The following CFAP77 variants were observed in gnomAD, a reference collection of about 807,000 sequenced individuals.
CFAP77 encodes cilia and flagella associated protein 77.
Under a neutral mutation model 31.1 loss-of-function variants are expected in CFAP77, and 25 were observed. That is an observed-to-expected ratio of 0.80 (90% CI 0.59 to 1.12). The LOEUF is 1.12. Among genes scored for constraint, CFAP77 ranks in the 50% most tolerant of loss-of-function variants. The pLI is 0.00. For missense variants in CFAP77, 377 were observed against 397.3 expected (o/e 0.95, Z 0.44); for synonymous variants, 151 against 159.9 (o/e 0.94, Z 0.42).
intron 1 of CFAP77, among the ~76,000 whole-genome samples, chr9:132,458,342 C>CGGG (rs1554738844): frequency 4.2e-5 from 3 of 71,160 alleles, no homozygotes; most frequent in Non-Finnish European, 8.7e-5. Context: ...GTCTCCCTGG[C>CGGG]GGGGGAGGGG....
chr9:132,486,322 G>T (rs1309908173), intron 1 of CFAP77, among the ~76,000 whole-genome samples: 1 of 151,226 alleles, frequency 6.6e-6, no homozygotes, highest in South Asian at 2.1e-4. Context: ...TCGATCTCCA[G>T]ACCTCGTGAT....
At chr9:132,505,018 A>C (rs1271932525) in intron 3 of CFAP77, among the ~76,000 whole-genome samples, 1 of 152,374 alleles carries the variant, frequency 6.6e-6, no homozygotes, top group African/African-American at 2.4e-5. Flanking sequence ...CCAATAAATA[A>C]ATAAACAAAA....
At chr9:132,437,670 C>T (rs1363046890) in intron 1 of CFAP77, among the ~76,000 whole-genome samples, 4 of 151,480 alleles carry the variant, frequency 2.6e-5, no homozygotes, top group Non-Finnish European at 5.9e-5. Flanking sequence ...CCAGCACACC[C>T]GGCTAATATT....
intron 1 of CFAP77, among the ~76,000 whole-genome samples, chr9:132,411,804 G>A (rs965156452): frequency 6.6e-6 from 1 of 152,076 alleles, no homozygotes; most frequent in African/African-American, 2.4e-5. Context: ...AAGTGAGGGC[G>A]TATGGAGTTA....
rs1037728953 is a variant in CFAP77 at position 132,457,588 on chromosome 9, G to A, written c.196-41107G>A. ...AGGGAGAAATACATCGCCGCTAACA[G>A]CCCCGGCAGGGAGAAAAACTCTCGC... On this transcript the variant is annotated intron_variant, in intron 1 of 5. Coordinates refer to ENST00000393216, the MANE Select transcript of CFAP77 (RefSeq NM_001282957.2). 3.3e-5 allele frequency among the ~76,000 whole-genome samples: 5 copies of A among 152,332 alleles called. No individual in the cohort carries two copies. In the East Asian group the frequency reaches 9.6e-4, roughly 29 times the overall value.
At position 132,495,320 on chromosome 9, in the gene CFAP77, T is replaced by G. The variant is rs929898432; in HGVS notation, c.196-3375T>G. 1.3e-5 allele frequency among the ~76,000 whole-genome samples: 2 copies of G among 152,088 alleles called. No homozygotes were observed. The highest frequency in any genetic ancestry group is 2.9e-5 in the Non-Finnish European group (2 of 68,016). ...CTGAGGGTGGCAGCCAGCTCCTGAG[T>G]CTGTCTGTCATTCCCCTGCCAGCTG... On this transcript the variant is annotated intron_variant, in intron 1 of 5. Transcript: ENST00000393216. This position sits in a 1 kb window ranked among gnomAD's most constrained non-coding sequence, Gnocchi z 4.2.
rs533544732 is a variant in CFAP77, at chr9:132,517,011, C to T, written c.524+17411C>T. 4.6e-5 allele frequency among the ~76,000 whole-genome samples: 7 copies of T among 152,278 alleles called. 1 individual carries two copies. The South Asian group carries it at 1.0e-3, about 23-fold the overall frequency. ...AGGGAGACACCCCAGCCCTGCAGCA[C>T]GCAGCTCGGGGCTGTGTGAGAACAC... On this transcript the variant is annotated intron_variant, in intron 3 of 5. Transcript: ENST00000393216. The surrounding 1 kb of genome is among the most constrained non-coding windows in gnomAD (Gnocchi z 4.7).
chr9:132,447,979 T>C (rs1215034904), intron 1 of CFAP77, among the ~76,000 whole-genome samples: 2 of 152,182 alleles, frequency 1.3e-5, no homozygotes, highest in Non-Finnish European at 2.9e-5. Flanking sequence ...GAGGTACCCA[T>C]TGGTAATGTG....
At chr9:132,521,714 G>A (rs770642593) in intron 3 of CFAP77, among the ~76,000 whole-genome samples, 1 of 150,812 alleles carries the variant, frequency 6.6e-6, no homozygotes, top group Non-Finnish European at 1.5e-5. Flanking sequence ...CACTCCCAGG[G>A]GCAATGGGAA....
chr9:132,499,240 G>T lies in CFAP77; in HGVS notation c.296-132G>T, dbSNP rs565828658. 9 of 754,846 alleles carry T rather than the reference G, an allele frequency of 1.2e-5. No individual in the cohort carries two copies. Among genetic ancestry groups the T allele is most frequent in the African/African-American group, 1.8e-5 (1 of 56,864 alleles). The allele number at this position is 754,846 out of a possible 1,614,324, so 46.8% of individuals were successfully genotyped here. A position where few individuals can be genotyped will look rare whatever the true frequency, so the allele number is the denominator to read the frequency against. ...ATCATGCTTTCTGGGGGCCAGGCAG[G>T]GTTGTCACCCAGTAGGCTCAGGTAA... On this transcript the variant is annotated intron_variant, in intron 2 of 5. Transcript: ENST00000393216. This position sits in a 1 kb window ranked among gnomAD's most constrained non-coding sequence, Gnocchi z 5.4.
At chr9:132,465,073 C>CAAAAAAAAAAAAAAAAAAAGA (rs1851127881) in intron 1 of CFAP77, among the ~76,000 whole-genome samples, 1 of 82,860 alleles carries the variant, frequency 1.2e-5, no homozygotes, top group Non-Finnish European at 2.6e-5. Flanking sequence ...GACTCTGTCT[C>CAAAAAAAAAAAAAAAAAAAGA]AAAAAAAAAA....
intron 1 of CFAP77, among the ~76,000 whole-genome samples, chr9:132,461,439 G>A (rs1021651198): frequency 1.3e-5 from 2 of 152,188 alleles, no homozygotes; most frequent in Non-Finnish European, 2.9e-5. Flanking sequence ...ATCTGCTTCA[G>A]CGGCCTTCCT....
chr9:132,476,134 C>G (rs1373520110), intron 1 of CFAP77, among the ~76,000 whole-genome samples: 1 of 152,218 alleles, frequency 6.6e-6, no homozygotes, highest in Non-Finnish European at 1.5e-5. Flanking sequence ...GCTTGCTTCT[C>G]AGAGTTCTCG....
At chr9:132,518,256 AG>A (rs1008343225) in intron 3 of CFAP77, among the ~76,000 whole-genome samples, 1 of 152,112 alleles carries the variant, frequency 6.6e-6, no homozygotes, top group African/African-American at 2.4e-5. Context: ...TCCTTTGTGT[AG>A]GGGAAACACT....
At chr9:132,463,785 G>A (rs947730695) in intron 1 of CFAP77, among the ~76,000 whole-genome samples, 5 of 152,314 alleles carry the variant, frequency 3.3e-5, no homozygotes, top group African/African-American at 9.6e-5. Context: ...GGGAGTCCAG[G>A]CCCAAGGACA....
Position 132,499,649 on chromosome 9 carries a change from C to G in CFAP77, c.524+49C>G. On this transcript the variant is annotated intron_variant, in intron 3 of 5. Coordinates refer to ENST00000393216, the MANE Select transcript of CFAP77 (RefSeq NM_001282957.2). The surrounding 1 kb of genome is among the most constrained non-coding windows in gnomAD (Gnocchi z 5.4). Reference sequence around the variant, plus strand: ...TTCATCCCTTGAGGGGGTGGAGGTACCAGCTCAATCAGGGACAAGGTCGGA... The same window carrying G: ...TTCATCCCTTGAGGGGGTGGAGGTAGCAGCTCAATCAGGGACAAGGTCGGA... The G allele has an allele frequency of 1.9e-6, 3 of 1,549,234 alleles. No individual in the cohort carries two copies. The highest frequency in any genetic ancestry group is 2.7e-6 in the Non-Finnish European group (3 of 1,121,892).
At chr9:132,464,180 T>C (rs1203436596) in intron 1 of CFAP77, among the ~76,000 whole-genome samples, 1 of 152,192 alleles carries the variant, frequency 6.6e-6, no homozygotes, top group Non-Finnish European at 1.5e-5. Context: ...TTTCATATTT[T>C]AGGGAAACAT....
At position 132,517,413 on chromosome 9, in the gene CFAP77, C is replaced by T. The variant is rs758645253; in HGVS notation, c.524+17813C>T. On this transcript the variant is annotated intron_variant, in intron 3 of 5. Transcript: ENST00000393216. This position sits in a 1 kb window ranked among gnomAD's most constrained non-coding sequence, Gnocchi z 4.7. ...TGGAATCACGTTGAACAGACCTCGGCGCTGTCATTGATTTTCCAGGAAGAA... is the reference window on the plus strand; with the variant it reads ...TGGAATCACGTTGAACAGACCTCGGTGCTGTCATTGATTTTCCAGGAAGAA... Among the ~76,000 whole-genome samples, 7 of 152,188 alleles carry T rather than the reference C, an allele frequency of 4.6e-5. No homozygotes were observed. Among genetic ancestry groups the T allele is most frequent in the Non-Finnish European group, 1.0e-4 (7 of 68,034 alleles).
chr9:132,497,701 C>T lies in CFAP77; in HGVS notation c.196-994C>T, dbSNP rs536035555. Among the ~76,000 whole-genome samples, 3 of 152,106 alleles carry T rather than the reference C, an allele frequency of 2.0e-5. No individual in the cohort carries two copies. Among genetic ancestry groups the T allele is most frequent in the Non-Finnish European group, 4.4e-5 (3 of 68,010 alleles). On this transcript the variant is annotated intron_variant, in intron 1 of 5. Coordinates refer to ENST00000393216, the MANE Select transcript of CFAP77 (RefSeq NM_001282957.2). The surrounding 1 kb of genome is among the most constrained non-coding windows in gnomAD (Gnocchi z 4.9). Reference sequence around the variant, plus strand: ...TGTGCCTCAGCTTCCCCCTGAGAAACGGGGATGGTAATGAGACCTGCCTCA... The same window carrying T: ...TGTGCCTCAGCTTCCCCCTGAGAAATGGGGATGGTAATGAGACCTGCCTCA...
Sources: allele counts gnomAD v4.1 joint callset (sites outside exome capture counted in the v4.1 genomes callset), GRCh38; gene constraint gnomAD v4.1.1; non-coding constraint Gnocchi (gnomAD v3.1); transcripts MANE v1.5; gene names NCBI Gene and HGNC (gene_info 2026-07-23, HGNC 2026-07-21).